IRX4: variants seen among roughly 807,000 people sequenced by gnomAD.
The protein encoded by IRX4 is iroquois-class homeodomain protein IRX-4.
In IRX4, 22 loss-of-function variants were observed where a neutral mutation model predicts 32.0. That is an observed-to-expected ratio of 0.69 (90% confidence interval 0.49 to 0.98). IRX4 has a LOEUF of 0.98. IRX4 is among the 50% of genes least tolerant of loss of function. The pLI, the probability that IRX4 is intolerant of heterozygous loss-of-function variation, is 0.00. For missense variants in IRX4, 840 were observed against 744.2 expected, an observed-to-expected ratio of 1.13 and a Z score of -1.50; for synonymous variants, 379 against 351.7, an observed-to-expected ratio of 1.08 and a Z score of -0.87.
chr5:1,886,068 G>T (rs928710026), upstream of IRX4, among the ~76,000 whole-genome samples: 4 of 152,276 alleles, frequency 2.6e-5, no homozygotes, highest in African/African-American at 9.6e-5. Flanking sequence ...GCAGGCCGCA[G>T]GGGAGGCAGG....
upstream of IRX4, among the ~76,000 whole-genome samples, chr5:1,885,824 C>T (rs938505991): frequency 6.6e-6 from 1 of 152,278 alleles, no homozygotes; most frequent in Non-Finnish European, 1.5e-5. Flanking sequence ...CACCCAGTGT[C>T]CCTTTCACCA....
chr5:1,882,142 AC>A (rs1296042897), intron 1 of IRX4, 83 bp from the exon 2 acceptor site: 1 of 1,463,368 alleles, frequency 6.8e-7, no homozygotes, highest in African/African-American at 1.4e-5. Flanking sequence ...CGCGCCGCCC[AC>A]GAGGGCGTGC....
intron 2 of IRX4, 87 bp downstream of exon 2, chr5:1,881,720 AC>A (rs1270075133): frequency 6.8e-6 from 10 of 1,478,354 alleles, no homozygotes; most frequent in Non-Finnish European, 9.2e-6. Context: ...CAGTCCGGGG[AC>A]CCGGACTGGC....
chr5:1,880,097 G>A (rs1735376273), intron 3 of IRX4: 2 of 1,535,526 alleles, frequency 1.3e-6, no homozygotes, highest in South Asian at 1.2e-5. Flanking sequence ...AAGCCAGAGA[G>A]GTCCAGGCCA....
Position 1,881,941 on chromosome 5 carries a change from C to G in IRX4, c.164G>C (p.Arg55Pro), listed in dbSNP as rs772367164. ...APVYCPVYES[R>P]LLATARHELN... ...CTCGTGGCGCGCGGTGGCCAGCAGC[C>G]GGCTCTCGTAGACCGGGCAGTAGAC... The change falls in exon 2 of 5, where the codon CGG becomes CCG. Residue 55 changes from arginine (R) to proline (P), a missense_variant. Around this residue, in one of 3 missense-constraint regions of IRX4, gnomAD observed 241 missense variants for 220.8 expected, o/e 1.09. Transcript: ENST00000231357. 3 of 1,571,598 alleles carry G rather than the reference C, an allele frequency of 1.9e-6. No homozygotes were observed. The highest frequency in any genetic ancestry group is 2.6e-6 in the Non-Finnish European group (3 of 1,159,404).
chr5:1,879,391 C>T (rs996403484), intron 4 of IRX4, 113 bp downstream of exon 4: 42 of 1,528,076 alleles, frequency 2.7e-5, no homozygotes, highest in Non-Finnish European at 3.6e-5. Context: ...GCACGGTGAC[C>T]GCCTAGGCAT....
In IRX4 at chr5:1,882,675, G is replaced by T. The variant is rs1304863213; in HGVS notation, c.-28C>A. The T allele has an allele frequency of 1.3e-5, 18 of 1,349,440 alleles. No individual in the cohort carries two copies. The African/African-American group carries it at 2.8e-4, about 21-fold the overall frequency. 83.6% of individuals were successfully genotyped at this position (1,349,440 alleles called of 1,614,324 possible). A position where few individuals can be genotyped will look rare whatever the true frequency, so the allele number is the denominator to read the frequency against. ...CGGGCGCGGCCCGGGGCGGACGGGC[G>T]GGGCCTGCAGGGTTCTGCGCGCTGG... On this transcript the variant is annotated 5_prime_UTR_variant, in exon 1 of 5. Transcript: ENST00000231357.
In IRX4 at chr5:1,878,401, G is replaced by A; in HGVS notation, c.1128C>T (p.Thr376=). The part of the protein sequence containing the change: ...PRIWSLAHTA[T]AAAAAATSLS... ...GGGAGGTGGCGGCGGCGGCGGCGGC[G>A]GTGGCTGTGTGGGCCAGGGACCAGA... The change falls in exon 5 of 5, where the codon ACC becomes ACT. Residue 376 remains threonine (T), a synonymous_variant. Transcript: ENST00000231357. 2 of 1,525,560 alleles carry A rather than the reference G, an allele frequency of 1.3e-6. No individual in the cohort carries two copies. The highest frequency in any genetic ancestry group is 2.5e-5 in the East Asian group (1 of 40,650). 94.5% of individuals were successfully genotyped at this position (1,525,560 alleles called of 1,614,324 possible).
In IRX4 at chr5:1,881,950, T is replaced by C. The variant is rs1323147981; in HGVS notation, c.155A>G (p.Tyr52Cys). 6.4e-7 allele frequency: 1 copy of C among 1,566,512 alleles called. No homozygotes were observed. Among genetic ancestry groups the C allele is most frequent in the African/African-American group, 1.4e-5 (1 of 73,540 alleles). The change falls in exon 2 of 5, where the codon TAC becomes TGC. Residue 52 changes from tyrosine (Y) to cysteine (C), a missense_variant. By Grantham distance (194) the Tyr-to-Cys change is radical. Around this residue, in one of 3 missense-constraint regions of IRX4, gnomAD observed 241 missense variants for 220.8 expected, o/e 1.09. Transcript: ENST00000231357. ...SAQAPVYCPV[Y>C]ESRLLATARH... The stretch of plus-strand genomic sequence containing the variant: ...CGCGGTGGCCAGCAGCCGGCTCTCG[T>C]AGACCGGGCAGTAGACCGGCGCCTG...
intron 4 of IRX4, 66 bp from the exon 5 acceptor site, chr5:1,878,858 C>A (rs867072253): frequency 3.9e-6 from 6 of 1,530,962 alleles, no homozygotes; most frequent in Non-Finnish European, 5.4e-6. Context: ...CCCCTGTCCC[C>A]GTCCACCATT....
At position 1,878,586 on chromosome 5, in the gene IRX4, C is replaced by G. The variant is rs1277778444; in HGVS notation, c.943G>C (p.Ala315Pro). ...GCCCTCTCCAGGTCCTCGTCCAGAG[C>G]AGCTCCGCCACCCGCGGCCAGAGAC... ...RMSLAAGGGA[A>P]LDEDLERARS... Residue 315 changes from alanine (A) to proline (P), a missense_variant, in exon 5 of 5, where the codon GCT becomes CCT. By Grantham distance (27) the Ala-to-Pro change is conservative (BLOSUM62 -1). Around this residue, in one of 3 missense-constraint regions of IRX4, gnomAD observed 585 missense variants for 488.0 expected, o/e 1.20. Coordinates refer to ENST00000231357, the MANE Select transcript of IRX4 (RefSeq NM_016358.3). 5 of 1,551,550 alleles carry G rather than the reference C, an allele frequency of 3.2e-6. No individual in the cohort carries two copies. In the Admixed American group the frequency reaches 9.7e-5, roughly 30 times the overall value.
rs763917945 is a variant in IRX4 at position 1,878,068 on chromosome 5, G to A, written c.1461C>T (p.Arg487=). The change falls in exon 5 of 5, where the codon CGC becomes CGT. Residue 487 remains arginine, a synonymous_variant. Coordinates refer to ENST00000231357, the MANE Select transcript of IRX4 (RefSeq NM_016358.3). The part of the protein sequence containing the change: ...GANVLTAPLA[R]AFPPAVPQDA... ...CCTGGGGCACGGCAGGCGGAAAGGCGCGGGCCAGGGGTGCAGTCAGCACGT... is the reference window on the plus strand; with the variant it reads ...CCTGGGGCACGGCAGGCGGAAAGGCACGGGCCAGGGGTGCAGTCAGCACGT... 2.6e-6 allele frequency: 4 copies of A among 1,514,902 alleles called. No homozygotes were observed. The South Asian group carries it at 3.7e-5, about 14-fold the overall frequency. The allele number at this position is 1,514,902 out of a possible 1,614,324, so 93.8% of individuals were successfully genotyped here.
chr5:1,878,376 G>GGGAGGT lies in IRX4; in HGVS notation c.1147_1152dup (p.Thr383_Ser384dup), dbSNP rs1561133800. On this transcript the variant is annotated inframe_insertion, in exon 5 of 5. Transcript: ENST00000231357. ...CACGACGGAAACTCAGTCTGGCTCA[G>GGGAGGT]GGAGGTGGCGGCGGCGGCGGCGGCG... 6.5e-7 allele frequency: 1 copy of GGGAGGT among 1,533,842 alleles called. No homozygotes were observed. The highest frequency in any genetic ancestry group is 8.7e-7 in the Non-Finnish European group (1 of 1,143,328).
rs968404112 is a variant in IRX4, at chr5:1,877,949, G to A, written c.*20C>T. On this transcript the variant is annotated 3_prime_UTR_variant, in exon 5 of 5. Transcript: ENST00000231357. ...TCCGCCTGAGCGCGGGTTCCCTCCT[G>A]GGCTCGGGACCCGCCCGCCTCAGGC... 2 of 1,494,408 alleles carry A rather than the reference G, an allele frequency of 1.3e-6. No homozygotes were observed. The highest frequency in any genetic ancestry group is 2.9e-5 in the African/African-American group (2 of 69,602). The allele number at this position is 1,494,408 out of a possible 1,614,324, so 92.6% of individuals were successfully genotyped here.
rs764524927 is a variant in IRX4, at chr5:1,878,780, T to A, written c.749A>T (p.Lys250Ile). 2.5e-6 allele frequency: 4 copies of A among 1,613,136 alleles called. No homozygotes were observed. The highest frequency in any genetic ancestry group is 3.4e-6 in the Non-Finnish European group (4 of 1,179,894). ...ACTAAGCTCCAGCTCCTTCTCCTCT[T>A]TGCCCACGGGCTCTGCGGGAGAGAA... is the stretch of plus-strand genomic sequence containing the variant. ...KSSKNAEPVG[K>I]EEKELELSDL... The change falls in exon 5 of 5, where the codon AAA becomes ATA. Residue 250 changes from lysine (K) to isoleucine (I), a missense_variant. Around this residue, in one of 3 missense-constraint regions of IRX4, gnomAD observed 585 missense variants for 488.0 expected, o/e 1.20. Coordinates refer to ENST00000231357, the MANE Select transcript of IRX4 (RefSeq NM_016358.3).
chr5:1,883,728 C>T (rs1426137427), upstream of IRX4, among the ~76,000 whole-genome samples: 2 of 152,362 alleles, frequency 1.3e-5, no homozygotes, highest in African/African-American at 4.8e-5. Context: ...CCACCGCCCC[C>T]ACCTCGCCTC....
intron 1 of IRX4, 26 bp from the exon 2 acceptor site, chr5:1,882,085 G>T (rs1161884192): frequency 6.5e-7 from 1 of 1,541,738 alleles, no homozygotes; most frequent in South Asian, 1.2e-5. Flanking sequence ...GCGAGGACTG[G>T]CGGGAAGCCG....
chr5:1,882,919 A>G lies in IRX4; in HGVS notation c.-272T>C, dbSNP rs575030128. On this transcript the variant is annotated 5_prime_UTR_variant, in exon 1 of 5. Transcript: ENST00000231357. ...CCTCGCAGCGGCGACAGAAATACAT[A>G]TTTTACGAAAAAGAAAAAAAAAAAA... Among the ~76,000 whole-genome samples, 7 of 143,550 alleles carry G rather than the reference A, an allele frequency of 4.9e-5. No individual in the cohort carries two copies. In the East Asian group the frequency reaches 1.6e-3, roughly 33 times the overall value. 94.2% of individuals were successfully genotyped at this position (143,550 alleles called of 152,430 possible).
intron 3 of IRX4, chr5:1,880,038 G>A: frequency 6.5e-7 from 1 of 1,528,128 alleles, no homozygotes; most frequent in Non-Finnish European, 8.8e-7. Context: ...GTGGCCAAAG[G>A]GCAAAGATTA....
Sources: gnomAD v4.1 joint callset for allele counts (sites outside exome capture counted in the v4.1 genomes callset) on GRCh38, gnomAD v4.1.1 for gene constraint, gnomAD v4.1.1 regional missense constraint, MANE v1.5 for transcripts, NCBI Gene and HGNC (gene_info 2026-07-23, HGNC 2026-07-21) for gene names.